The following KCP variants were observed in gnomAD, a reference collection of about 807,000 sequenced individuals.
KCP encodes the protein kielin/chordin-like protein.
KCP carries 194 observed loss-of-function variants against 212.7 expected under a neutral mutation model. The observed-to-expected ratio is 0.91, with a 90% CI of 0.81 to 1.03. The LOEUF (loss-of-function observed/expected upper bound fraction) is 1.03, where lower values mean the gene tolerates loss of function less well. Ranked by LOEUF, KCP falls within the 50% of genes least tolerant of loss-of-function variation. The probability of loss-of-function intolerance (pLI) is 0.00; values close to 1 mark genes in which losing one functional copy is unlikely to be tolerated. For synonymous variants in KCP, 833 were observed against 865.3 expected (o/e 0.96, Z 0.65); for missense variants, 2,080 against 2,162.5 (o/e 0.96, Z 0.76).
intron 11 of KCP, 77 bp from the exon 12 acceptor site, chr7:128,893,553 AC>A: frequency 8.5e-7 from 1 of 1,170,406 alleles, no homozygotes; most frequent in Non-Finnish European, 1.2e-6. Context: ...GAGGTGTCCA[AC>A]CCCCACCCTG....
rs1306518601 is a variant in KCP, at chr7:128,878,576, C to T, written c.4293G>A (p.Ala1431=). The T allele has an allele frequency of 6.4e-6, 10 of 1,551,298 alleles. No individual in the cohort carries two copies. Among genetic ancestry groups the T allele is most frequent in the Non-Finnish European group, 8.7e-6 (10 of 1,146,868 alleles). The change falls in exon 38 of 40, where the codon GCG becomes GCA. Residue 1431 remains alanine, a synonymous_variant. Coordinates refer to ENST00000610776, the MANE Select transcript of KCP (RefSeq NM_001366122.1). ...CACTCACCTGCCAGCTATTCCCAAA[C>T]GCAGCCTCCGAGGGCAGGAGCAGCC... ...PEGLLLPSEA[A]FGNSWQVSEG...
chr7:128,889,432 C>G (rs1465114047), intron 21 of KCP, among the ~76,000 whole-genome samples: 1 of 152,164 alleles, frequency 6.6e-6, no homozygotes, highest in Admixed American at 6.5e-5. Flanking sequence ...CACGCTCTTC[C>G]GAGCCCACTG....
chr7:128,903,019 A>T (rs890911266), intron 7 of KCP, 160 bp from the exon 8 acceptor site: 1 of 626,960 alleles, frequency 1.6e-6, no homozygotes, highest in African/African-American at 1.8e-5. Context: ...AGTGGCTCCC[A>T]GTGCCCCAGG....
rs141266707 is a variant in KCP, at chr7:128,893,645, GC to G, written c.1099+160del. Among the ~76,000 whole-genome samples the G allele has an allele frequency of 1.2e-3, 185 of 152,258 alleles. 1 individual carries two copies. The highest frequency in any genetic ancestry group is 4.4e-3 in the African/African-American group (183 of 41,542). ...CCACAGCTATGCCACAGAAGCGCAGGCCCCAGCATGGTGCCAGTTTGCCATG... is the reference window on the plus strand; with the variant it reads ...CCACAGCTATGCCACAGAAGCGCAGGCCCAGCATGGTGCCAGTTTGCCATG... On this transcript the variant is annotated intron_variant, in intron 11 of 39. Transcript: ENST00000610776.
chr7:128,880,759 G>A, intron 32 of KCP, 38 bp from the exon 33 acceptor site: 1 of 407,392 alleles, frequency 2.5e-6, no homozygotes, highest in Non-Finnish European at 4.3e-6. Flanking sequence ...TTTTCTGCAG[G>A]GCCGGAGTCC....
At chr7:128,896,292 T>TA (rs1461380681) in intron 8 of KCP, among the ~76,000 whole-genome samples, 1 of 152,076 alleles carries the variant, frequency 6.6e-6, no homozygotes, top group African/African-American at 2.4e-5. Context: ...TTAGGGGAAT[T>TA]AGAGGCCTCT....
intron 8 of KCP, among the ~76,000 whole-genome samples, chr7:128,898,615 T>C (rs111436893): frequency 2.6e-4 from 39 of 152,352 alleles, no homozygotes; most frequent in African/African-American, 9.1e-4. Flanking sequence ...CAGTTCTACA[T>C]GCAAGGCATG....
rs572659437 is a variant in KCP, at chr7:128,896,237, G to A, written c.832-1944C>T. ...GACTGGCGGACTGTGGGTAAGTGGG[G>A]TGCATATACCCGGGTAAATAATGGG... is the stretch of plus-strand genomic sequence containing the variant. On this transcript the variant is annotated intron_variant, in intron 8 of 39. Coordinates refer to ENST00000610776, the MANE Select transcript of KCP (RefSeq NM_001366122.1). 6.0e-4 allele frequency among the ~76,000 whole-genome samples: 91 copies of A among 152,276 alleles called. 1 individual carries two copies. The South Asian group carries it at 0.018, about 31-fold the overall frequency.
intron 5 of KCP, among the ~76,000 whole-genome samples, chr7:128,905,679 A>AC (rs1795088527): frequency 1.3e-5 from 2 of 151,184 alleles, no homozygotes; most frequent in South Asian, 2.1e-4. Flanking sequence ...AGCCTTCAAT[A>AC]CCCCCCACTG....
At position 128,907,148 on chromosome 7, in the gene KCP, T is replaced by C. The variant is rs1795163038; in HGVS notation, c.439A>G (p.Asn147Asp). The change falls in exon 4 of 40, where the codon AAC becomes GAC. Residue 147 changes from asparagine (N) to aspartate (D), a missense_variant. Asn to Asp is a conservative substitution (Grantham distance 23, BLOSUM62 1). Transcript: ENST00000610776. ...GCSQNGQTYG[N>D]GETFSPDACT... ...GCATCTGGGGAGAAGGTCTCCCCGT[T>C]GCCGTAGGTCTGGCCATTTTGGCTG... 4 of 1,551,566 alleles carry C rather than the reference T, an allele frequency of 2.6e-6. No homozygotes were observed. In the South Asian group the frequency reaches 4.8e-5, roughly 18 times the overall value.
rs752297721 is a variant in KCP, at chr7:128,893,405, G to A, written c.1171C>T (p.Arg391Cys). The A allele has an allele frequency of 6.1e-5, 94 of 1,551,640 alleles. 5 individuals are homozygous for A. The South Asian group carries it at 8.6e-4, about 14-fold the overall frequency. ...GGACCGCCTACCTGGCAGGAGCAGC[G>A]GACACAGAGGCCCCGCTCTTGGAGT... ...FRLQERGLCV[R>C]CSCQAGEVSC... The change falls in exon 12 of 40, where the codon CGC (arginine) becomes TGC (cysteine). Residue 391 changes from arginine to cysteine, a missense_variant. Arg to Cys is a radical substitution (Grantham distance 180, BLOSUM62 -3). Transcript: ENST00000610776.
At chr7:128,900,571 C>G (rs919349329) in intron 8 of KCP, among the ~76,000 whole-genome samples, 1 of 152,224 alleles carries the variant, frequency 6.6e-6, no homozygotes, top group Admixed American at 6.5e-5. Flanking sequence ...TTGCTTTACT[C>G]TTGTGGAATA....
intron 2 of KCP, among the ~76,000 whole-genome samples, chr7:128,908,174 T>G (rs1464402427): frequency 2.7e-4 from 16 of 60,346 alleles, no homozygotes; most frequent in South Asian, 9.6e-4. Context: ...AGAAGAAGGA[T>G]GGAAGGAAGG....
At chr7:128,887,674 C>T (rs1045087431) in intron 22 of KCP, among the ~76,000 whole-genome samples, 5 of 150,002 alleles carry the variant, frequency 3.3e-5, no homozygotes, top group South Asian at 2.1e-4. Context: ...CATACAGCCA[C>T]ACACACACAT....
At chr7:128,908,159 AAGAG>A (rs141841849) in intron 2 of KCP, among the ~76,000 whole-genome samples, 28,285 of 131,938 alleles carry the variant, frequency 0.21, 5,366 homozygotes, top group East Asian at 0.5. Flanking sequence ...GAGAGAGAGA[AAGAG>A]AGAAGAAGGA....
intron 22 of KCP, among the ~76,000 whole-genome samples, chr7:128,887,962 TAC>T (rs1261580154): frequency 1.0e-5 from 1 of 96,056 alleles, no homozygotes; most frequent in Admixed American, 1.1e-4. Context: ...CATCCCCACA[TAC>T]ACAGATGCAC....
In KCP at chr7:128,908,505, C is replaced by T. The variant is rs7787221; in HGVS notation, c.140G>A (p.Gly47Glu). The T allele has an allele frequency of 2.5e-3, 3,937 of 1,551,834 alleles. 104 individuals carry two copies. In the African/African-American group the frequency reaches 0.048, roughly 19 times the overall value. ...QTTAHSSVLAGNSQEQWHPLR... is the reference protein window; with the variant it reads ...QTTAHSSVLAENSQEQWHPLR... Reference sequence around the variant, plus strand: ...GGGGTGCCACTGCTCCTGGGAGTTCCCAGCAAGGACTGAGGAATGGGCAGT... The same window carrying T: ...GGGGTGCCACTGCTCCTGGGAGTTCTCAGCAAGGACTGAGGAATGGGCAGT... Residue 47 changes from glycine (G) to glutamate (E), a missense_variant, in exon 2 of 40, where the codon GGG becomes GAG. Gly to Glu is a moderately conservative substitution (Grantham distance 98). Transcript: ENST00000610776.
rs1251007014 is a variant in KCP at position 128,879,904 on chromosome 7, G to C, written c.3932+9C>G. 1 of 1,551,200 alleles carries C rather than the reference G, an allele frequency of 6.4e-7. No individual in the cohort carries two copies. Among genetic ancestry groups the C allele is most frequent in the Admixed American group, 2.0e-5 (1 of 50,998 alleles). On this transcript the variant is annotated intron_variant, in intron 35 of 39. Transcript: ENST00000610776. ...GGGGTTGGGGAGAAGAGAGACAGGG[G>C]ATGCACACCTGAAGTCCCCGCTGTG...
rs753207288 is a variant in KCP, at chr7:128,892,740, T to C, written c.1475A>G (p.Asn492Ser). ...SCTYHSQVYA[N>S]GQNFTDADSP... Reference sequence around the variant, plus strand: ...GTCTGCATCCGTGAAGTTCTGCCCATTGGCATACACTTGGCTGTGGTAGGT... The same window carrying C: ...GTCTGCATCCGTGAAGTTCTGCCCACTGGCATACACTTGGCTGTGGTAGGT... Residue 492 changes from asparagine (N) to serine (S), a missense_variant, in exon 15 of 40, where the codon AAT becomes AGT. Transcript: ENST00000610776. The C allele has an allele frequency of 9.6e-5, 149 of 1,551,576 alleles. 2 individuals carry two copies. The South Asian group carries it at 1.7e-3, about 18-fold the overall frequency.
Sources: allele counts gnomAD v4.1 joint callset (sites outside exome capture counted in the v4.1 genomes callset), GRCh38; gene constraint gnomAD v4.1.1; transcripts MANE v1.5; gene names NCBI Gene and HGNC (gene_info 2026-07-23, HGNC 2026-07-21).